DNAJC12: variants seen among roughly 807,000 people sequenced by gnomAD.
DNAJC12 encodes the protein DnaJ heat shock protein family (Hsp40) member C12.
DNAJC12 carries 25 observed loss-of-function variants against 28.5 expected under a neutral mutation model. That is an observed-to-expected ratio of 0.88 (90% CI 0.64 to 1.22). DNAJC12 has a LOEUF of 1.22. Ranked by LOEUF, DNAJC12 falls within the 50% of genes most tolerant of loss-of-function variation. DNAJC12 has a pLI of 0.00. For synonymous variants in DNAJC12, 77 were observed against 80.6 expected (o/e 0.95, Z 0.24); for missense variants, 222 against 231.7 (o/e 0.96, Z 0.27).
At chr10:67,830,671 A>C (rs1467910323) in intron 1 of DNAJC12, among the ~76,000 whole-genome samples, 1 of 151,626 alleles carries the variant, frequency 6.6e-6, no homozygotes, top group African/African-American at 2.4e-5. Flanking sequence ...TTTGATACTT[A>C]ATATGTGCCA....
intron 1 of DNAJC12, among the ~76,000 whole-genome samples, chr10:67,828,863 T>G (rs1485549855): frequency 6.6e-6 from 1 of 152,144 alleles, no homozygotes; most frequent in East Asian, 1.9e-4. Context: ...AAGAGCACCA[T>G]CAACTCAGAC....
rs184355843 is a variant in DNAJC12 at position 67,818,548 on chromosome 10, A to C, written c.157+4766T>G. 1.7e-3 allele frequency among the ~76,000 whole-genome samples: 262 copies of C among 152,324 alleles called. 1 individual carries two copies. The highest frequency in any genetic ancestry group is 2.5e-3 in the Non-Finnish European group (168 of 68,026). On this transcript the variant is annotated intron_variant, in intron 2 of 4. Coordinates refer to ENST00000225171, the MANE Select transcript of DNAJC12 (RefSeq NM_021800.3). ...GATTCATCATGTATCCTGAATAAAA[A>C]TTGTTTGTCAGGGACAGAGAAACAA...
chr10:67,826,673 A>C (rs1461968318), intron 1 of DNAJC12, among the ~76,000 whole-genome samples: 6 of 128,986 alleles, frequency 4.7e-5, no homozygotes, highest in African/African-American at 1.8e-4. Flanking sequence ...ATATATCATT[A>C]TATATAAGAT....
chr10:67,829,413 G>A (rs1218792338), intron 1 of DNAJC12, among the ~76,000 whole-genome samples: 4 of 152,146 alleles, frequency 2.6e-5, no homozygotes, highest in Non-Finnish European at 5.9e-5. Context: ...GGCCGAGGCG[G>A]GTGGATCACG....
intron 1 of DNAJC12, among the ~76,000 whole-genome samples, chr10:67,832,308 TA>T (rs1193368878): frequency 6.6e-6 from 1 of 151,726 alleles, no homozygotes; most frequent in Non-Finnish European, 1.5e-5. Flanking sequence ...AGATTCATTT[TA>T]ATACTGATTT....
In DNAJC12 at chr10:67,836,147, A is replaced by G. The variant is rs921663082; in HGVS notation, c.78+1787T>C. Among the ~76,000 whole-genome samples, 3 of 151,244 alleles carry G rather than the reference A, an allele frequency of 2.0e-5. 1 individual carries two copies. The highest frequency in any genetic ancestry group is 2.0e-4 in the Admixed American group (3 of 15,198). On this transcript the variant is annotated intron_variant, in intron 1 of 4. Transcript: ENST00000225171. ...CTCACTCATAAGTGGGAGATGAACA[A>G]TGAGAGCACATGGACACAGGCAGGG...
At chr10:67,806,936 A>G (rs1458841005) in intron 3 of DNAJC12, among the ~76,000 whole-genome samples, 4 of 152,088 alleles carry the variant, frequency 2.6e-5, no homozygotes, top group African/African-American at 7.2e-5. Flanking sequence ...CAAATTTTCT[A>G]TGAGAAGATT....
intron 4 of DNAJC12, among the ~76,000 whole-genome samples, chr10:67,798,202 C>T (rs116070657): frequency 0.013 from 1,957 of 152,056 alleles, 55 homozygotes; most frequent in African/African-American, 0.045. Flanking sequence ...ACATTCTAAA[C>T]TTTAGCAAAT....
At chr10:67,832,596 C>T (rs1415274477) in intron 1 of DNAJC12, among the ~76,000 whole-genome samples, 1 of 151,978 alleles carries the variant, frequency 6.6e-6, no homozygotes, top group Non-Finnish European at 1.5e-5. Context: ...GATAGTTTTT[C>T]CTTACTGAAG....
Position 67,823,393 on chromosome 10 carries a change from C to G in DNAJC12, c.79-1G>C, listed in dbSNP as rs1841999470. Reference sequence around the variant, plus strand: ...TAAATTCTGCCAGGATTTGTTCAACCTGAAACAAAAATCAGTGTTTAAAAT... The same window carrying G: ...TAAATTCTGCCAGGATTTGTTCAACGTGAAACAAAAATCAGTGTTTAAAAT... On this transcript the variant is annotated splice_acceptor_variant, in intron 1 of 4. Coordinates refer to ENST00000225171, the MANE Select transcript of DNAJC12 (RefSeq NM_021800.3). LOFTEE classifies it high-confidence loss of function. 6.2e-7 allele frequency: 1 copy of G among 1,613,530 alleles called. No homozygotes were observed. The highest frequency in any genetic ancestry group is 1.3e-5 in the African/African-American group (1 of 74,856).
At chr10:67,837,072 CA>C (rs1366756941) in intron 1 of DNAJC12, among the ~76,000 whole-genome samples, 1 of 151,406 alleles carries the variant, frequency 6.6e-6, no homozygotes, top group Non-Finnish European at 1.5e-5. Flanking sequence ...GGTAACACAG[CA>C]AAATAAAATA....
chr10:67,827,506 G>C (rs1317882596), intron 1 of DNAJC12: 1 of 152,082 alleles, frequency 6.6e-6, no homozygotes, highest in Non-Finnish European at 1.5e-5. Flanking sequence ...TGATCAACAT[G>C]GTGAAACTCC....
intron 4 of DNAJC12, among the ~76,000 whole-genome samples, chr10:67,801,836 CTTTTTTTTTTTTTTT>C (rs577511924): frequency 0.033 from 861 of 26,184 alleles, 7 homozygotes; most frequent in Non-Finnish European, 0.052. Context: ...CCACTTCATT[CTTTTTTTTTTTTTTT>C]TTTTTTTTTT....
intron 3 of DNAJC12, among the ~76,000 whole-genome samples, chr10:67,806,264 T>C (rs543152871): frequency 6.6e-6 from 1 of 152,294 alleles, no homozygotes; most frequent in Non-Finnish European, 1.5e-5. Flanking sequence ...ACACACTACC[T>C]CTATTACCAC....
At chr10:67,818,660 A>ATT (rs759141693) in intron 2 of DNAJC12, among the ~76,000 whole-genome samples, 120 of 146,346 alleles carry the variant, frequency 8.2e-4, no homozygotes, top group African/African-American at 2.7e-3. Context: ...AATTTTTATA[A>ATT]TTTTTTTTTT....
Position 67,805,679 on chromosome 10 carries a change from T to C in DNAJC12, c.406A>G (p.Lys136Glu). ...GCGGTTGAAGCCAGCTCCTCTTTCT[T>C]TCTTTCTCTTTGCTCATTACATTCC... ...NEECNEQRER[K>E]KEELASTAEK... Residue 136 changes from lysine (K) to glutamate (E), a missense_variant, in exon 4 of 5, where the codon AAG (lysine) becomes GAG (glutamate). By Grantham distance (56) the Lys-to-Glu change is moderately conservative (BLOSUM62 1). Coordinates refer to ENST00000225171, the MANE Select transcript of DNAJC12 (RefSeq NM_021800.3). 6.2e-7 allele frequency: 1 copy of C among 1,613,960 alleles called. No individual in the cohort carries two copies. The highest frequency in any genetic ancestry group is 8.5e-7 in the Non-Finnish European group (1 of 1,179,968).
chr10:67,835,783 T>C (rs530147794), intron 1 of DNAJC12, among the ~76,000 whole-genome samples: 4 of 150,984 alleles, frequency 2.6e-5, no homozygotes, highest in Non-Finnish European at 5.9e-5. Context: ...ATGACAAACA[T>C]TTCATTAAAA....
At chr10:67,812,851 CA>C (rs567473050) in intron 2 of DNAJC12, among the ~76,000 whole-genome samples, 48 of 115,536 alleles carry the variant, frequency 4.2e-4, no homozygotes, top group Middle Eastern at 5.6e-3. Flanking sequence ...GACTCCATCT[CA>C]AAAAAAAAAA....
intron 2 of DNAJC12, among the ~76,000 whole-genome samples, chr10:67,812,717 G>A (rs761608809): frequency 2.8e-4 from 42 of 151,868 alleles, no homozygotes; most frequent in Non-Finnish European, 4.0e-4. Context: ...AGCTGGGGGT[G>A]GTGGCAGGCG....
Sources: allele counts gnomAD v4.1 joint callset (sites outside exome capture counted in the v4.1 genomes callset), GRCh38; gene constraint gnomAD v4.1.1; transcripts MANE v1.5; gene names NCBI Gene and HGNC (gene_info 2026-07-23, HGNC 2026-07-21).